The following IFT57 variants were observed in gnomAD, a reference collection of about 807,000 sequenced individuals.
IFT57 encodes the protein intraflagellar transport protein 57 homolog.
Under a neutral mutation model 56.8 loss-of-function variants are expected in IFT57, and 59 were observed. The ratio of observed to expected loss-of-function variants is 1.04; its 90% confidence interval spans 0.84 to 1.29. The LOEUF is 1.29. Ranked by LOEUF, IFT57 falls within the 50% of genes most tolerant of loss-of-function variation. The pLI, the probability that IFT57 is intolerant of heterozygous loss-of-function variation, is 0.00. For synonymous variants in IFT57, 209 were observed against 186.1 expected, an observed-to-expected ratio of 1.12 and a Z score of -1.00; for missense variants, 470 against 522.1, an observed-to-expected ratio of 0.90 and a Z score of 0.97.
chr3:108,212,050 A>G (rs190685987), intron 4 of IFT57, among the ~76,000 whole-genome samples: 4 of 152,180 alleles, frequency 2.6e-5, no homozygotes, highest in Admixed American at 2.6e-4. Flanking sequence ...TGGCATGATC[A>G]CAGCTTACTG....
At chr3:108,198,353 T>C (rs995556574) in intron 5 of IFT57, among the ~76,000 whole-genome samples, 6 of 152,232 alleles carry the variant, frequency 3.9e-5, no homozygotes, top group Non-Finnish European at 2.9e-5. Context: ...TTGTATTTTA[T>C]GTTTTTGATT....
chr3:108,175,564 C>T (rs1560105247), intron 6 of IFT57, among the ~76,000 whole-genome samples: 1 of 151,714 alleles, frequency 6.6e-6, no homozygotes, highest in African/African-American at 2.4e-5. Context: ...TAAGGTGACT[C>T]GCAAGACTAT....
intron 6 of IFT57, among the ~76,000 whole-genome samples, chr3:108,187,603 G>A (rs959704489): frequency 1.3e-5 from 2 of 151,282 alleles, no homozygotes; most frequent in Non-Finnish European, 2.9e-5. Context: ...AAAAAGGGGG[G>A]GAGTGTCTGA....
At position 108,193,541 on chromosome 3, in the gene IFT57, G is replaced by GA. The variant is rs576780048; in HGVS notation, c.655-1899dup. Among the ~76,000 whole-genome samples the GA allele has an allele frequency of 3.6e-4, 54 of 151,720 alleles. 1 individual carries two copies. The highest frequency in any genetic ancestry group is 2.4e-3 in the Admixed American group (37 of 15,240). The stretch of plus-strand genomic sequence containing the variant: ...AAAAACAAAACATTAAGTAAAATGT[G>GA]AAAAAAAAGCTCAAGATTCTACTTT... On this transcript the variant is annotated intron_variant, in intron 5 of 10. Transcript: ENST00000264538.
intron 6 of IFT57, among the ~76,000 whole-genome samples, chr3:108,176,043 T>C (rs1403940956): frequency 2.6e-5 from 4 of 151,844 alleles, no homozygotes; most frequent in South Asian, 2.1e-4. Flanking sequence ...TGAATCACTT[T>C]CCATCAAAAA....
intron 6 of IFT57, among the ~76,000 whole-genome samples, chr3:108,173,766 CTGTGTGTGTGTGTGTGTG>C (rs59233165): frequency 1.9e-4 from 24 of 124,686 alleles, no homozygotes; most frequent in South Asian, 2.7e-4. Context: ...GTCAGGGACT[CTGTGTGTGTGTGTGTGTG>C]TGTGTGTGTG....
rs1231102528 is a variant in IFT57 at position 108,209,018 on chromosome 3, A to G, written c.586-2322T>C. The stretch of plus-strand genomic sequence containing the variant: ...AAAGGTCTGAGTCACCCCACCAGGT[A>G]AAGAACTGAAACCAGCTGAGGTGCT... On this transcript the variant is annotated intron_variant, in intron 4 of 10. Coordinates refer to ENST00000264538, the MANE Select transcript of IFT57 (RefSeq NM_018010.4). Among the ~76,000 whole-genome samples the G allele has an allele frequency of 3.3e-5, 5 of 152,282 alleles. No individual in the cohort carries two copies. The East Asian group carries it at 7.7e-4, about 24-fold the overall frequency.
At chr3:108,217,740 A>AT in intron 3 of IFT57, among the ~76,000 whole-genome samples, 1 of 151,336 alleles carries the variant, frequency 6.6e-6, no homozygotes, top group East Asian at 1.9e-4. Flanking sequence ...AAAAAAAAAA[A>AT]CACTGCTTAC....
At chr3:108,174,260 T>A (rs1207762520) in intron 6 of IFT57, among the ~76,000 whole-genome samples, 1 of 151,558 alleles carries the variant, frequency 6.6e-6, no homozygotes, top group Non-Finnish European at 1.5e-5. Context: ...AAAACATGAA[T>A]ATAAAAAGGC....
chr3:108,177,990 C>G (rs1161718148), intron 6 of IFT57, among the ~76,000 whole-genome samples: 1 of 151,878 alleles, frequency 6.6e-6, no homozygotes, highest in African/African-American at 2.4e-5. Context: ...CACACACACA[C>G]AGCTAGATAC....
rs987257485 is a variant in IFT57, at chr3:108,174,006, G to A, written c.778-6142C>T. ...TATTTGCATATATTTGAGTGTGTGT[G>A]TGTGTGTGTGTGTGTGTGTGTGTGT... is the stretch of plus-strand genomic sequence containing the variant. On this transcript the variant is annotated intron_variant, in intron 6 of 10. Transcript: ENST00000264538. 6.8e-3 allele frequency among the ~76,000 whole-genome samples: 990 copies of A among 145,284 alleles called. 10 individuals carry two copies. The highest frequency in any genetic ancestry group is 0.021 in the African/African-American group (822 of 38,686).
chr3:108,161,003 T>C lies in IFT57; in HGVS notation c.*1474A>G, dbSNP rs938819602. On this transcript the variant is annotated 3_prime_UTR_variant, in exon 11 of 11. Coordinates refer to ENST00000264538, the MANE Select transcript of IFT57 (RefSeq NM_018010.4). ...AATAATGGGTGTACTTTGCTTCTGA[T>C]TGAAATGCATTTTAAGGAGAGTTCT... is the stretch of plus-strand genomic sequence containing the variant. 2 of 152,202 alleles carry C rather than the reference T, an allele frequency of 1.3e-5. No individual in the cohort carries two copies. Among genetic ancestry groups the C allele is most frequent in the Admixed American group, 1.3e-4 (2 of 15,272 alleles). 9.4% of individuals were successfully genotyped at this position (152,202 alleles called of 1,614,324 possible). A position where few individuals can be genotyped will look rare whatever the true frequency, so the allele number is the denominator to read the frequency against.
intron 6 of IFT57, among the ~76,000 whole-genome samples, chr3:108,190,590 T>C (rs1002876344): frequency 1.3e-5 from 2 of 152,232 alleles, no homozygotes; most frequent in Non-Finnish European, 2.9e-5. Flanking sequence ...TCCCCAGCCA[T>C]GCTGAACTAT....
At chr3:108,183,680 T>A (rs2080164036) in intron 6 of IFT57, among the ~76,000 whole-genome samples, 1 of 152,150 alleles carries the variant, frequency 6.6e-6, no homozygotes. Context: ...TGCTATACAG[T>A]AAGCTTTGAA....
At chr3:108,169,822 C>T (rs879370663) in intron 6 of IFT57, among the ~76,000 whole-genome samples, 1 of 151,872 alleles carries the variant, frequency 6.6e-6, no homozygotes, top group Admixed American at 6.6e-5. Context: ...AGTTTCAGCC[C>T]CAGGATGCAG....
chr3:108,215,478 G>A (rs533182860), intron 3 of IFT57, among the ~76,000 whole-genome samples: 41 of 152,134 alleles, frequency 2.7e-4, no homozygotes, highest in African/African-American at 8.7e-4. Context: ...TGGGAGGATC[G>A]CTTGAGCCCG....
At chr3:108,180,521 T>C (rs1421162286) in intron 6 of IFT57, among the ~76,000 whole-genome samples, 1 of 151,958 alleles carries the variant, frequency 6.6e-6, no homozygotes, top group African/African-American at 2.4e-5. Flanking sequence ...AAAACTTGGA[T>C]CTCATACTGA....
intron 6 of IFT57, among the ~76,000 whole-genome samples, chr3:108,173,512 T>C (rs1014809896): frequency 6.6e-6 from 1 of 151,822 alleles, no homozygotes; most frequent in Non-Finnish European, 1.5e-5. Flanking sequence ...TCCGAACATA[T>C]AGCTTAGCCT....
rs1415595149 is a variant in IFT57, at chr3:108,206,618, T to A, written c.654+10A>T. ...GCTTGTTGGTCCTGCATGTATCTGA[T>A]GAAACTTACCAAGTGATATGTCTGG... On this transcript the variant is annotated intron_variant, in intron 5 of 10. Transcript: ENST00000264538. 5 of 1,298,938 alleles carry A rather than the reference T, an allele frequency of 3.8e-6. No homozygotes were observed. The highest frequency in any genetic ancestry group is 4.1e-6 in the Non-Finnish European group (4 of 978,772). The allele number at this position is 1,298,938 out of a possible 1,614,324, so 80.5% of individuals were successfully genotyped here.
Sources: gnomAD v4.1 joint callset for allele counts (sites outside exome capture counted in the v4.1 genomes callset) on GRCh38, gnomAD v4.1.1 for gene constraint, MANE v1.5 for transcripts, NCBI Gene and HGNC (gene_info 2026-07-23, HGNC 2026-07-21) for gene names.